The following DYNLT2B variants were observed in gnomAD, a reference collection of about 807,000 sequenced individuals.
DYNLT2B encodes dynein light chain Tctex-type 2B, also known as dynein light chain Tctex-type protein 2B.
In DYNLT2B, 14 loss-of-function variants were observed where a neutral mutation model predicts 19.5. The observed-to-expected ratio is 0.72, with a 90% confidence interval of 0.47 to 1.12. The LOEUF is 1.12. Ranked by LOEUF, DYNLT2B falls within the 50% of genes most tolerant of loss-of-function variation. The pLI is 0.00. For missense variants in DYNLT2B, 133 were observed against 174.7 expected, an observed-to-expected ratio of 0.76 and a Z score of 1.35; for synonymous variants, 70 against 59.7, an observed-to-expected ratio of 1.17 and a Z score of -0.79.
Position 196,310,467 on chromosome 3 carries a change from C to T in DYNLT2B, c.248-3455G>A, listed in dbSNP as rs960097365. Among the ~76,000 whole-genome samples, 34 of 150,358 alleles carry T rather than the reference C, an allele frequency of 2.3e-4. 1 individual carries two copies. Among genetic ancestry groups the T allele is most frequent in the Admixed American group, 2.2e-3 (33 of 15,038 alleles). The stretch of plus-strand genomic sequence containing the variant: ...TTTTTGAGAGGGAATCTCGCTCTGT[C>T]GCTCAGGCTGGAGTGCAGTGGGATG... On this transcript the variant is annotated intron_variant, in intron 2 of 4. Coordinates refer to ENST00000325318, the MANE Select transcript of DYNLT2B (RefSeq NM_152773.5).
At chr3:196,317,037 T>C (rs1350411036) in intron 1 of DYNLT2B, among the ~76,000 whole-genome samples, 4 of 115,018 alleles carry the variant, frequency 3.5e-5, no homozygotes, top group East Asian at 3.3e-4. Flanking sequence ...TGTGTGTGTG[T>C]GTGTGTGTTG....
At position 196,309,940 on chromosome 3, in the gene DYNLT2B, C is replaced by G. The variant is rs188230463; in HGVS notation, c.248-2928G>C. ...TCCAGCTTGTGCAACAAGACCGAAA[C>G]TCAGTCCAAAAAAAAAAAGAAAAGA... On this transcript the variant is annotated intron_variant, in intron 2 of 4. Coordinates refer to ENST00000325318, the MANE Select transcript of DYNLT2B (RefSeq NM_152773.5). 3.8e-3 allele frequency among the ~76,000 whole-genome samples: 524 copies of G among 138,900 alleles called. 2 individuals are homozygous for G. The highest frequency in any genetic ancestry group is 0.013 in the African/African-American group (494 of 39,108). The allele number at this position is 138,900 out of a possible 152,430, so 91.1% of individuals were successfully genotyped here.
At chr3:196,304,305 G>C (rs1030130300) in intron 3 of DYNLT2B, among the ~76,000 whole-genome samples, 1 of 151,786 alleles carries the variant, frequency 6.6e-6, no homozygotes, top group African/African-American at 2.4e-5. Context: ...CTAATTTTTT[G>C]TAATTTTAGT....
chr3:196,302,335 C>G (rs2108792943), intron 3 of DYNLT2B, among the ~76,000 whole-genome samples: 1 of 152,144 alleles, frequency 6.6e-6, no homozygotes, highest in South Asian at 2.1e-4. Flanking sequence ...AACAGGGGCT[C>G]CTTGGAGAAA....
In DYNLT2B at chr3:196,306,999, G is replaced by T. The variant is rs779395055; in HGVS notation, c.261C>A (p.Asp87Glu). ...IKDKLKEMGF[D>E]RYKMVVQVVI... ...CTACTTGCACCACCATTTTGTATCG[G>T]TCAAATCCCATTTCTAGAAAGAAAA... Residue 87 changes from aspartate (D) to glutamate (E), a missense_variant, in exon 3 of 5, where the codon GAC (aspartate) becomes GAA (glutamate). Physicochemically the swap from Asp to Glu is conservative, Grantham distance 45. Coordinates refer to ENST00000325318, the MANE Select transcript of DYNLT2B (RefSeq NM_152773.5). 6.8e-6 allele frequency: 11 copies of T among 1,613,638 alleles called. No homozygotes were observed. The South Asian group carries it at 1.2e-4, about 18-fold the overall frequency.
chr3:196,313,156 T>C (rs182129711), intron 2 of DYNLT2B, among the ~76,000 whole-genome samples: 3 of 152,176 alleles, frequency 2.0e-5, no homozygotes, highest in East Asian at 3.9e-4. Flanking sequence ...TCCATGTATA[T>C]GGACATGTAG....
chr3:196,306,815 A>G (rs1017750632), intron 3 of DYNLT2B, 128 bp downstream of exon 3: 18 of 764,338 alleles, frequency 2.4e-5, no homozygotes, highest in Non-Finnish European at 3.5e-5. Flanking sequence ...TGCTGAGATT[A>G]CAGGTGTGAC....
intron 3 of DYNLT2B, among the ~76,000 whole-genome samples, chr3:196,298,490 T>A (rs562112382): frequency 7.4e-4 from 112 of 152,010 alleles, no homozygotes; most frequent in Admixed American, 1.4e-3. Context: ...ATTTTTATAT[T>A]TTTTGTAGAG....
chr3:196,299,498 C>G (rs1726297594), intron 3 of DYNLT2B, among the ~76,000 whole-genome samples: 1 of 152,088 alleles, frequency 6.6e-6, no homozygotes, highest in South Asian at 2.1e-4. Flanking sequence ...GGTAGGATTA[C>G]AGGAGTGAGC....
intron 3 of DYNLT2B, chr3:196,305,765 C>A (rs1480169410): frequency 6.5e-6 from 1 of 153,026 alleles, no homozygotes; most frequent in Non-Finnish European, 1.5e-5. Context: ...CATGCCACTG[C>A]ACTCCAGCCT....
rs779355460 is a variant in DYNLT2B at position 196,296,087 on chromosome 3, GA to G, written c.318-19del. The stretch of plus-strand genomic sequence containing the variant: ...AAGCCATGCTAAAAAATCCAAGAAT[GA>G]AGAATTATCAACAATCTAACAAGGA... On this transcript the variant is annotated intron_variant, in intron 3 of 4. Transcript: ENST00000325318. The G allele has an allele frequency of 6.2e-7, 1 of 1,610,728 alleles. No homozygotes were observed. Among genetic ancestry groups the G allele is most frequent in the South Asian group, 1.1e-5 (1 of 91,014 alleles).
At chr3:196,317,646 A>G (rs1395505116) in intron 1 of DYNLT2B, among the ~76,000 whole-genome samples, 2 of 152,070 alleles carry the variant, frequency 1.3e-5, no homozygotes, top group Non-Finnish European at 2.9e-5. Context: ...CCGCGCCGGG[A>G]GTGAGCCCAT....
chr3:196,306,838 G>T, intron 3 of DYNLT2B, 105 bp downstream of exon 3: 1 of 1,018,006 alleles, frequency 9.8e-7, no homozygotes, highest in Non-Finnish European at 1.5e-6. Flanking sequence ...ATCACACCCG[G>T]CCCTTCTCAC....
At chr3:196,316,714 G>T (rs1452126350) in intron 1 of DYNLT2B, among the ~76,000 whole-genome samples, 1 of 152,096 alleles carries the variant, frequency 6.6e-6, no homozygotes, top group Admixed American at 6.6e-5. Context: ...CACTTTTTCT[G>T]TGAGTTACCA....
At chr3:196,314,315 T>C (rs1413499274) in intron 2 of DYNLT2B, among the ~76,000 whole-genome samples, 1 of 151,388 alleles carries the variant, frequency 6.6e-6, no homozygotes, top group Non-Finnish European at 1.5e-5. Context: ...AAGACAAAAT[T>C]AGCCACGTGT....
chr3:196,304,290 C>G (rs1560189148), intron 3 of DYNLT2B, among the ~76,000 whole-genome samples: 2 of 152,034 alleles, frequency 1.3e-5, no homozygotes, highest in Admixed American at 1.3e-4. Context: ...CACCACCATG[C>G]CCGGCTAATT....
rs1223717866 is a variant in DYNLT2B, at chr3:196,296,023, G to A, written c.364C>T (p.His122Tyr). 7.4e-6 allele frequency: 12 copies of A among 1,613,720 alleles called. No individual in the cohort carries two copies. The highest frequency in any genetic ancestry group is 2.2e-5 in the East Asian group (1 of 44,876). ...FWDADTDNYT[H>Y]DVFMNDSLFC... ...ACACTTACATTCATGAAAACATCAT[G>A]AGTATAGTTGTCAGTGTCAGCATCC... is the stretch of plus-strand genomic sequence containing the variant. Residue 122 changes from histidine to tyrosine, a missense_variant, in exon 4 of 5, where the codon CAT (histidine) becomes TAT (tyrosine). By Grantham distance (83) the His-to-Tyr change is moderately conservative. Coordinates refer to ENST00000325318, the MANE Select transcript of DYNLT2B (RefSeq NM_152773.5).
Position 196,295,593 on chromosome 3 carries a change from G to A in DYNLT2B, c.381+413C>T, listed in dbSNP as rs80044080. Among the ~76,000 whole-genome samples, 1,197 of 152,226 alleles carry A rather than the reference G, an allele frequency of 7.9e-3. 18 individuals are homozygous for A. Among genetic ancestry groups the A allele is most frequent in the African/African-American group, 0.028 (1,145 of 41,522 alleles). Reference sequence around the variant, plus strand: ...GAATCCCTGCCATCCACATTTGTTTGCAACTTAGCAAAGTGTGATTGGTTC... The same window carrying A: ...GAATCCCTGCCATCCACATTTGTTTACAACTTAGCAAAGTGTGATTGGTTC... On this transcript the variant is annotated intron_variant, in intron 4 of 4. Transcript: ENST00000325318.
chr3:196,311,024 C>A (rs555347591), intron 2 of DYNLT2B, among the ~76,000 whole-genome samples: 2 of 152,150 alleles, frequency 1.3e-5, no homozygotes, highest in East Asian at 1.9e-4. Context: ...GTGTGAGCCA[C>A]GGCACCCAGC....
Sources: allele counts gnomAD v4.1 joint callset (sites outside exome capture counted in the v4.1 genomes callset), GRCh38; gene constraint gnomAD v4.1.1; transcripts MANE v1.5; gene names NCBI Gene and HGNC (gene_info 2026-07-23, HGNC 2026-07-21).